DGKB: variants seen among roughly 807,000 people sequenced by gnomAD.
DGKB encodes the protein 90 kDa diacylglycerol kinase.
A neutral mutation model predicts 114.3 loss-of-function variants in DGKB; 67 were observed. The ratio of observed to expected loss-of-function variants is 0.59; its 90% CI spans 0.48 to 0.72. The LOEUF is 0.72. Ranked by LOEUF, DGKB falls within the 30% of genes least tolerant of loss-of-function variation. DGKB has a pLI of 0.00. For synonymous variants in DGKB, 398 were observed against 323.1 expected (o/e 1.23, Z -2.49); for missense variants, 907 against 975.2 (o/e 0.93, Z 0.93).
intron 1 of DGKB, among the ~76,000 whole-genome samples, chr7:14,919,056 C>CCACACGCGCGCA (rs1784377492): frequency 1.0e-5 from 1 of 96,430 alleles, no homozygotes; most frequent in African/African-American, 4.7e-5. Flanking sequence ...TGAGACTCCA[C>CCACACGCGCGCA]CACACGCACA....
intron 2 of DGKB, chr7:14,816,628 G>A (rs1844193407): frequency 6.6e-6 from 1 of 151,926 alleles, no homozygotes; most frequent in South Asian, 2.1e-4. Context: ...TAATTTTCTT[G>A]GTTGAAAAAA....
At chr7:14,735,657 G>C (rs937696343) in intron 5 of DGKB, among the ~76,000 whole-genome samples, 1 of 151,938 alleles carries the variant, frequency 6.6e-6, no homozygotes, top group African/African-American at 2.4e-5. Context: ...AAAGTATATT[G>C]GCAATTAGCA....
At chr7:14,469,161 T>C (rs73679790) in intron 21 of DGKB, among the ~76,000 whole-genome samples, 3,034 of 152,126 alleles carry the variant, frequency 0.02, 88 homozygotes, top group African/African-American at 0.069. Flanking sequence ...AGAATTTTTC[T>C]CTGGTTTATA....
At chr7:14,178,560 G>T (rs1261499158) in intron 23 of DGKB, among the ~76,000 whole-genome samples, 2 of 152,136 alleles carry the variant, frequency 1.3e-5, no homozygotes, top group Non-Finnish European at 2.9e-5. Flanking sequence ...AGGATATGCT[G>T]TCAAACATGA....
At chr7:14,381,335 C>A (rs991483575) in intron 21 of DGKB, among the ~76,000 whole-genome samples, 1 of 152,096 alleles carries the variant, frequency 6.6e-6, no homozygotes, top group African/African-American at 2.4e-5. Context: ...CAGTCATAGG[C>A]CTGAGATAAT....
At chr7:14,906,645 G>A (rs563036892), upstream of DGKB, among the ~76,000 whole-genome samples, 1 of 151,804 alleles carries the variant, frequency 6.6e-6, no homozygotes, top group Non-Finnish European at 1.5e-5. Context: ...TGGAGACAGG[G>A]TTTCACCATG....
chr7:14,296,768 T>G (rs1352975940), intron 23 of DGKB, among the ~76,000 whole-genome samples: 2 of 149,568 alleles, frequency 1.3e-5, no homozygotes, highest in African/African-American at 4.9e-5. Context: ...CTGTTTTTTT[T>G]TTTTTTTTTT....
At chr7:14,467,764 A>T (rs2128880838) in intron 21 of DGKB, among the ~76,000 whole-genome samples, 1 of 152,328 alleles carries the variant, frequency 6.6e-6, no homozygotes, top group South Asian at 2.1e-4. Flanking sequence ...AACTACATGT[A>T]TTCCAAAAGA....
At chr7:14,789,724 T>TA (rs34811388) in intron 2 of DGKB, among the ~76,000 whole-genome samples, 2 of 151,760 alleles carry the variant, frequency 1.3e-5, no homozygotes, top group Admixed American at 6.6e-5. Flanking sequence ...CTGGCTAATT[T>TA]AAAAAAAAAT....
chr7:14,260,217 G>A lies in DGKB; in HGVS notation c.2122+78298C>T, dbSNP rs368958007. 2.0e-5 allele frequency among the ~76,000 whole-genome samples: 3 copies of A among 152,044 alleles called. No homozygotes were observed. In the South Asian group the frequency reaches 6.2e-4, roughly 31 times the overall value. On this transcript the variant is annotated intron_variant, in intron 23 of 25. Coordinates refer to ENST00000402815, the MANE Select transcript of DGKB (RefSeq NM_001350709.2). ...GGACTGAAATCTAGTCTTTTAGGAG[G>A]TGCCAACAGATGGTTTACATTTATA... is the stretch of plus-strand genomic sequence containing the variant.
chr7:14,651,510 G>C (rs1193919421), intron 13 of DGKB, among the ~76,000 whole-genome samples: 1 of 145,950 alleles, frequency 6.9e-6, no homozygotes, highest in Middle Eastern at 3.5e-3. Flanking sequence ...AAAATAATAA[G>C]AGCTATCTAT....
intron 1 of DGKB, among the ~76,000 whole-genome samples, chr7:14,965,418 C>A (rs1215324725): frequency 6.6e-6 from 1 of 152,062 alleles, no homozygotes; most frequent in Non-Finnish European, 1.5e-5. Flanking sequence ...ATGAATAACT[C>A]ATCTCAAGTA....
intron 1 of DGKB, among the ~76,000 whole-genome samples, chr7:14,931,884 C>T (rs1039750517): frequency 4.6e-5 from 7 of 152,122 alleles, no homozygotes; most frequent in Non-Finnish European, 8.8e-5. Flanking sequence ...TTGCCAGTTT[C>T]TGGAGCCCAC....
intron 2 of DGKB, among the ~76,000 whole-genome samples, chr7:14,804,624 T>C (rs1413765631): frequency 6.6e-6 from 1 of 152,068 alleles, no homozygotes; most frequent in Non-Finnish European, 1.5e-5. Flanking sequence ...CTCCATTCTC[T>C]TTACTTGGCA....
chr7:14,477,691 T>C (rs1782388810), intron 21 of DGKB, among the ~76,000 whole-genome samples: 2 of 152,174 alleles, frequency 1.3e-5, no homozygotes, highest in South Asian at 2.1e-4. Context: ...TCTCTAAAAA[T>C]AATTTATATT....
At chr7:14,573,956 A>G (rs1307472210) in intron 20 of DGKB, among the ~76,000 whole-genome samples, 1 of 152,134 alleles carries the variant, frequency 6.6e-6, no homozygotes, top group East Asian at 1.9e-4. Flanking sequence ...TAAACCAATT[A>G]CAAAGAATAT....
At chr7:14,228,884 C>CTGTGTG (rs71548072) in intron 23 of DGKB, among the ~76,000 whole-genome samples, 2,742 of 148,684 alleles carry the variant, frequency 0.018, 33 homozygotes, top group Middle Eastern at 0.031. Flanking sequence ...AGTTTTTTTT[C>CTGTGTG]TGTGTGTGTG....
At chr7:14,833,471 A>T (rs1007657597) in intron 2 of DGKB, among the ~76,000 whole-genome samples, 5 of 152,092 alleles carry the variant, frequency 3.3e-5, no homozygotes, top group Non-Finnish European at 7.4e-5. Context: ...ATCATGTTTC[A>T]GGAATAGGAA....
chr7:14,325,998 C>T (rs1206934353), intron 23 of DGKB, among the ~76,000 whole-genome samples: 1 of 151,224 alleles, frequency 6.6e-6, no homozygotes, highest in Non-Finnish European at 1.5e-5. Flanking sequence ...GTAGAAAAGT[C>T]AGAAATGTTT....
Sources: allele counts gnomAD v4.1 joint callset (sites outside exome capture counted in the v4.1 genomes callset), GRCh38; gene constraint gnomAD v4.1.1; transcripts MANE v1.5; gene names NCBI Gene and HGNC (gene_info 2026-07-23, HGNC 2026-07-21).